The following LRRC36 variants were observed in gnomAD, a reference collection of about 807,000 sequenced individuals.
LRRC36 encodes the protein leucine-rich repeat-containing protein 36.
A neutral mutation model predicts 81.1 loss-of-function variants in LRRC36; 62 were observed. The observed-to-expected ratio is 0.76, with a 90% CI of 0.62 to 0.94. The LOEUF (loss-of-function observed/expected upper bound fraction) is 0.94, where lower values mean the gene tolerates loss of function less well. LRRC36 is among the 40% of genes least tolerant of loss of function. LRRC36 has a pLI of 0.00. For missense variants in LRRC36, 761 were observed against 881.7 expected, an observed-to-expected ratio of 0.86 and a Z score of 1.73; for synonymous variants, 334 against 348.6, an observed-to-expected ratio of 0.96 and a Z score of 0.47.
intron 4 of LRRC36, among the ~76,000 whole-genome samples, chr16:67,348,125 C>T (rs547081728): frequency 5.9e-5 from 9 of 152,160 alleles, no homozygotes; most frequent in Non-Finnish European, 1.3e-4. Flanking sequence ...TACCCCCAAA[C>T]CTATGCTTTT....
intron 7 of LRRC36, among the ~76,000 whole-genome samples, 187 bp from the exon 8 acceptor site, chr16:67,366,830 G>T (rs866886137): frequency 1.3e-5 from 2 of 151,984 alleles, no homozygotes; most frequent in East Asian, 3.9e-4. Flanking sequence ...CATTTTATTG[G>T]TGGTGGTGGT....
chr16:67,352,642 CTTATTTATTTAT>C (rs140957876), intron 5 of LRRC36, among the ~76,000 whole-genome samples: 3,498 of 142,836 alleles, frequency 0.024, 59 homozygotes, highest in African/African-American at 0.044. Flanking sequence ...AAATAAATGT[CTTATTTATTTAT>C]TTATTTATTT....
intron 5 of LRRC36, among the ~76,000 whole-genome samples, chr16:67,357,107 AT>A (rs1217846517): frequency 5.9e-5 from 9 of 152,344 alleles, no homozygotes; most frequent in African/African-American, 2.2e-4. Context: ...GGAAGCACAG[AT>A]TGATTAAGTC....
chr16:67,382,296 T>C (rs1280277504), intron 13 of LRRC36, 49 bp downstream of exon 13: 3 of 1,291,648 alleles, frequency 2.3e-6, no homozygotes, highest in South Asian at 2.5e-5. Context: ...TATTTACTCC[T>C]TTTATCTCCT....
intron 1 of LRRC36, among the ~76,000 whole-genome samples, chr16:67,334,504 T>C (rs182121189): frequency 6.6e-5 from 10 of 152,068 alleles, no homozygotes; most frequent in South Asian, 6.2e-4. Context: ...TTTGTATTTT[T>C]AGTAGAGACG....
In LRRC36 at chr16:67,384,977, G is replaced by C; in HGVS notation, c.2153G>C (p.Arg718Thr). The C allele has an allele frequency of 6.2e-7, 1 of 1,614,218 alleles. No homozygotes were observed. The highest frequency in any genetic ancestry group is 8.5e-7 in the Non-Finnish European group (1 of 1,180,042). ...CCTGAGAAGGGTCATCATCTGGGGA[G>C]ATCATCGCCCTTTGGGAAAAGCACG... ...LPPEKGHHLG[R>T]SSPFGKSTLS... is the part of the protein sequence containing the mutation. The change falls in exon 14 of 14, where the codon AGA becomes ACA. Residue 718 changes from arginine to threonine, a missense_variant. Around this residue, in one of 3 missense-constraint regions of LRRC36, gnomAD observed 359 missense variants for 388.4 expected, o/e 0.92. Transcript: ENST00000329956.
chr16:67,336,804 G>C (rs1244512093), intron 1 of LRRC36: 1 of 149,802 alleles, frequency 6.7e-6, no homozygotes, highest in African/African-American at 2.5e-5. Flanking sequence ...ATCTTACTTT[G>C]TTGCCTAGGT....
chr16:67,380,481 C>A (rs746423634), intron 12 of LRRC36, among the ~76,000 whole-genome samples: 1 of 152,130 alleles, frequency 6.6e-6, no homozygotes, highest in Non-Finnish European at 1.5e-5. Context: ...ATAAAGTTTG[C>A]GCTTGACAGA....
At chr16:67,374,296 A>G (rs1465715815) in intron 9 of LRRC36, among the ~76,000 whole-genome samples, 1 of 151,892 alleles carries the variant, frequency 6.6e-6, no homozygotes, top group Non-Finnish European at 1.5e-5. Context: ...TATAAAATAT[A>G]CTATTTTTAA....
At position 67,367,004 on chromosome 16, in the gene LRRC36, T is replaced by C; in HGVS notation, c.755-13T>C. On this transcript the variant is annotated splice_polypyrimidine_tract_variant and intron_variant, in intron 7 of 13. Transcript: ENST00000329956. Reference sequence around the variant, plus strand: ...CTTATCATGTTTTGTTTTTTTGCCTTGGTGGTGTTTAGAGTTCAGACACTA... The same window carrying C: ...CTTATCATGTTTTGTTTTTTTGCCTCGGTGGTGTTTAGAGTTCAGACACTA... The C allele has an allele frequency of 1.3e-6, 2 of 1,575,682 alleles. No homozygotes were observed. The highest frequency in any genetic ancestry group is 8.6e-7 in the Non-Finnish European group (1 of 1,162,956).
At chr16:67,376,168 C>G (rs934929839) in intron 10 of LRRC36, among the ~76,000 whole-genome samples, 2 of 151,882 alleles carry the variant, frequency 1.3e-5, no homozygotes, top group African/African-American at 2.4e-5. Flanking sequence ...ATTAGCCAGG[C>G]GTAGTGGTGT....
intron 8 of LRRC36, 94 bp downstream of exon 8, chr16:67,367,551 A>G: frequency 3.6e-6 from 4 of 1,116,790 alleles, no homozygotes; most frequent in Non-Finnish European, 3.9e-6. Context: ...CTGAAATTGT[A>G]TTAGCATTTC....
intron 4 of LRRC36, among the ~76,000 whole-genome samples, chr16:67,349,620 G>C (rs2038520256): frequency 6.6e-6 from 1 of 152,156 alleles, no homozygotes; most frequent in African/African-American, 2.4e-5. Flanking sequence ...ATCTAAGTAT[G>C]TGTCAAGAAA....
chr16:67,342,047 C>A lies in LRRC36; in HGVS notation c.161C>A (p.Ser54Tyr). The change falls in exon 2 of 14, where the codon TCC becomes TAC. Residue 54 changes from serine to tyrosine, a missense_variant. By Grantham distance (144) the Ser-to-Tyr change is moderately radical. This residue lies in a region of LRRC36 where 263 missense variants were observed against 279.3 expected (regional missense o/e 0.94). Coordinates refer to ENST00000329956, the MANE Select transcript of LRRC36 (RefSeq NM_018296.6). ...TTCAGAAATTTTAAAAATCTCCGAT[C>A]CTTAGATTTATCAAGGAATTTGATC... ...DAFRNFKNLR[S>Y]LDLSRNLITS... 1 of 1,610,354 alleles carries A rather than the reference C, an allele frequency of 6.2e-7. No individual in the cohort carries two copies. Among genetic ancestry groups the A allele is most frequent in the South Asian group, 1.1e-5 (1 of 90,768 alleles).
rs569551300 is a variant in LRRC36 at position 67,368,337 on chromosome 16, T to C, written c.1195+880T>C. ...TGGTAAATGCTGTGAAAAAATTATA[T>C]AAGGGCATAGAGCGTGATAAGGAGG... On this transcript the variant is annotated intron_variant, in intron 8 of 13. Coordinates refer to ENST00000329956, the MANE Select transcript of LRRC36 (RefSeq NM_018296.6). Among the ~76,000 whole-genome samples the C allele has an allele frequency of 1.1e-3, 167 of 152,304 alleles. 2 individuals carry two copies. Among genetic ancestry groups the C allele is most frequent in the South Asian group, 4.8e-3 (23 of 4,828 alleles).
rs1293739019 is a variant in LRRC36, at chr16:67,371,405, C to T, written c.1494+163C>T. The T allele has an allele frequency of 6.4e-6, 5 of 776,468 alleles. No individual in the cohort carries two copies. The East Asian group carries it at 1.1e-4, about 17-fold the overall frequency. 48.1% of individuals were successfully genotyped at this position (776,468 alleles called of 1,614,324 possible). ...ACTGCCAAGCTAACACCTGTTGAGCCTTCTGCCCTTGGGAAAGTCATTCCC... is the reference window on the plus strand; with the variant it reads ...ACTGCCAAGCTAACACCTGTTGAGCTTTCTGCCCTTGGGAAAGTCATTCCC... On this transcript the variant is annotated intron_variant, in intron 9 of 13. Transcript: ENST00000329956.
intron 1 of LRRC36, 66 bp downstream of exon 1, chr16:67,326,998 A>G: frequency 7.2e-7 from 1 of 1,393,120 alleles, no homozygotes; most frequent in Non-Finnish European, 9.3e-7. Flanking sequence ...AGAAAACTGA[A>G]GTGGAAGGCG....
chr16:67,341,010 T>TA lies in LRRC36; in HGVS notation c.71-947_71-946insA, dbSNP rs1491028471. Among the ~76,000 whole-genome samples, 59 of 87,550 alleles carry TA rather than the reference T, an allele frequency of 6.7e-4. 4 individuals carry two copies. The highest frequency in any genetic ancestry group is 4.0e-3 in the African/African-American group (57 of 14,106). The allele number at this position is 87,550 out of a possible 152,430, so 57.4% of individuals were successfully genotyped here. A position where few individuals can be genotyped will look rare whatever the true frequency, so the allele number is the denominator to read the frequency against. ...ATGTATATTATATATAGAATATGTATTCTATAGAATATGTACTCTACATAT... is the reference window on the plus strand; with the variant it reads ...ATGTATATTATATATAGAATATGTATATCTATAGAATATGTACTCTACATAT... On this transcript the variant is annotated intron_variant, in intron 1 of 13. Transcript: ENST00000329956.
intron 5 of LRRC36, among the ~76,000 whole-genome samples, chr16:67,350,920 C>T (rs2038599058): frequency 6.6e-6 from 1 of 152,178 alleles, no homozygotes; most frequent in South Asian, 2.1e-4. Flanking sequence ...TGCCTGTAAT[C>T]CCATCTACTC....
Sources: allele counts gnomAD v4.1 joint callset (sites outside exome capture counted in the v4.1 genomes callset), GRCh38; gene constraint gnomAD v4.1.1; regional missense constraint gnomAD v4.1.1; transcripts MANE v1.5; gene names NCBI Gene and HGNC (gene_info 2026-07-23, HGNC 2026-07-21).